The following HNF4G variants were observed in gnomAD, a reference collection of about 807,000 sequenced individuals.
HNF4G encodes the protein hepatocyte nuclear factor 4 gamma.
A neutral mutation model predicts 50.9 loss-of-function variants in HNF4G; 21 were observed. That is an observed-to-expected ratio of 0.41 (90% confidence interval 0.29 to 0.59). The LOEUF (loss-of-function observed/expected upper bound fraction) is 0.59, where lower values mean the gene tolerates loss of function less well. Among genes scored for constraint, HNF4G ranks in the 20% least tolerant of loss-of-function variants. HNF4G has a pLI of 0.26. For synonymous variants in HNF4G, 198 were observed against 185.6 expected (o/e 1.07, Z -0.54); for missense variants, 527 against 559.4 (o/e 0.94, Z 0.58).
At chr8:75,517,058 G>A (rs1805905908) in intron 2 of HNF4G, among the ~76,000 whole-genome samples, 1 of 152,230 alleles carries the variant, frequency 6.6e-6, no homozygotes, top group Admixed American at 6.5e-5. Context: ...GTGGTGTCAG[G>A]CAAGAGAGCA....
chr8:75,409,013 GTCC>G (rs1014933657), intron 1 of HNF4G, among the ~76,000 whole-genome samples: 6 of 152,048 alleles, frequency 3.9e-5, no homozygotes, highest in African/African-American at 1.2e-4. Context: ...TTCCTTAGGA[GTCC>G]TCCTGTCCCC....
At chr8:75,537,803 C>T (rs1223819469), upstream of HNF4G, among the ~76,000 whole-genome samples, 11 of 152,192 alleles carry the variant, frequency 7.2e-5, no homozygotes, top group Admixed American at 2.6e-4. Context: ...CATTCTTACT[C>T]AATGAAAAGG....
intron 1 of HNF4G, among the ~76,000 whole-genome samples, chr8:75,448,746 A>T (rs915545201): frequency 6.6e-6 from 1 of 152,026 alleles, no homozygotes; most frequent in African/African-American, 2.4e-5. Context: ...GGATAAGGAA[A>T]ATTTTCCAAA....
intron 1 of HNF4G, among the ~76,000 whole-genome samples, chr8:75,480,997 G>A (rs1812364279): frequency 6.6e-6 from 1 of 152,178 alleles, no homozygotes; most frequent in Admixed American, 6.5e-5. Flanking sequence ...GATTACAGGC[G>A]TGAGCCACTG....
intron 1 of HNF4G, among the ~76,000 whole-genome samples, chr8:75,411,940 T>G (rs1428920660): frequency 6.6e-6 from 1 of 152,204 alleles, no homozygotes; most frequent in African/African-American, 2.4e-5. Flanking sequence ...CCTGGCACAT[T>G]GAGTACCAGG....
chr8:75,514,048 C>T (rs775873474), intron 2 of HNF4G, among the ~76,000 whole-genome samples: 3 of 151,920 alleles, frequency 2.0e-5, no homozygotes, highest in South Asian at 2.1e-4. Flanking sequence ...AGATATGTAT[C>T]GAAGGTTTGA....
At chr8:75,429,500 A>G (rs555466963) in intron 1 of HNF4G, among the ~76,000 whole-genome samples, 26 of 152,102 alleles carry the variant, frequency 1.7e-4, no homozygotes, top group Admixed American at 3.3e-4. Flanking sequence ...ATTTCTTTCC[A>G]CCACAGGAAT....
In HNF4G at chr8:75,508,859, A is replaced by G. The variant is rs1466881699; in HGVS notation, c.-24+18651A>G. Among the ~76,000 whole-genome samples the G allele has an allele frequency of 3.3e-5, 5 of 152,326 alleles. No individual in the cohort carries two copies. In the East Asian group the frequency reaches 5.8e-4, roughly 18 times the overall value. Reference sequence around the variant, plus strand: ...TTGAAGTGTCTTGTAATCCATGTGGAGGAATTTATGCTCTATCCTAAGAGC... The same window carrying G: ...TTGAAGTGTCTTGTAATCCATGTGGGGGAATTTATGCTCTATCCTAAGAGC... On this transcript the variant is annotated intron_variant, in intron 2 of 10. Transcript: ENST00000354370.
intron 2 of HNF4G, among the ~76,000 whole-genome samples, chr8:75,497,309 G>A (rs559983156): frequency 6.6e-6 from 1 of 152,238 alleles, no homozygotes; most frequent in African/African-American, 2.4e-5. Context: ...ATAGAGACCA[G>A]GAGAGGGCTA....
upstream of HNF4G, among the ~76,000 whole-genome samples, chr8:75,537,511 G>T (rs1806498367): frequency 1.3e-5 from 2 of 152,050 alleles, no homozygotes; most frequent in Admixed American, 1.3e-4. Flanking sequence ...CTACCAAAGT[G>T]CTGGGATTAC....
In HNF4G at chr8:75,524,508, TG is replaced by T. The variant is rs1054257987; in HGVS notation, c.-23-19302del. On this transcript the variant is annotated intron_variant, in intron 2 of 10. Transcript: ENST00000354370. Reference sequence around the variant, plus strand: ...TTCGAAAACCTACTTTATGTATTTATGTCCATATGTTACATATTTTTATTAT... The same window carrying T: ...TTCGAAAACCTACTTTATGTATTTATTCCATATGTTACATATTTTTATTAT... Among the ~76,000 whole-genome samples the T allele has an allele frequency of 2.0e-5, 3 of 152,348 alleles. No homozygotes were observed. In the South Asian group the frequency reaches 6.2e-4, roughly 32 times the overall value.
intron 1 of HNF4G, among the ~76,000 whole-genome samples, chr8:75,542,160 C>G (rs888560391): frequency 2.6e-5 from 4 of 151,816 alleles, no homozygotes; most frequent in African/African-American, 9.7e-5. Flanking sequence ...TAAAAACTAG[C>G]TGGATGTGGT....
chr8:75,535,335 G>T (rs937874686), upstream of HNF4G, among the ~76,000 whole-genome samples: 8 of 140,176 alleles, frequency 5.7e-5, no homozygotes, highest in African/African-American at 1.7e-4. Context: ...TTAGGACAGT[G>T]GCAGCAAGGA....
At chr8:75,455,397 T>G (rs1355203107) in intron 1 of HNF4G, among the ~76,000 whole-genome samples, 1 of 152,186 alleles carries the variant, frequency 6.6e-6, no homozygotes, top group Non-Finnish European at 1.5e-5. Flanking sequence ...AATTAAAAAT[T>G]AATTTCCATA....
intron 2 of HNF4G, among the ~76,000 whole-genome samples, chr8:75,490,619 C>T (rs545866100): frequency 2.0e-5 from 3 of 152,190 alleles, no homozygotes; most frequent in South Asian, 4.1e-4. Context: ...AGCAAATGCA[C>T]ATCTTTATTT....
At chr8:75,475,512 G>A (rs1812221814) in intron 1 of HNF4G, among the ~76,000 whole-genome samples, 1 of 152,280 alleles carries the variant, frequency 6.6e-6, no homozygotes, top group Non-Finnish European at 1.5e-5. Flanking sequence ...TTATATTTAT[G>A]TATGTGTGTG....
chr8:75,507,991 A>G (rs911247229), intron 2 of HNF4G, among the ~76,000 whole-genome samples: 1 of 152,124 alleles, frequency 6.6e-6, no homozygotes, highest in African/African-American at 2.4e-5. Context: ...TAATTTTCAT[A>G]TAATGAACAG....
At chr8:75,487,001 G>C (rs1483871827) in intron 1 of HNF4G, among the ~76,000 whole-genome samples, 1 of 151,444 alleles carries the variant, frequency 6.6e-6, no homozygotes, top group African/African-American at 2.4e-5. Flanking sequence ...GCGAGACCCT[G>C]TCTAAAAAAA....
At chr8:75,442,688 T>G (rs548015160) in intron 1 of HNF4G, among the ~76,000 whole-genome samples, 1 of 152,246 alleles carries the variant, frequency 6.6e-6, no homozygotes, top group African/African-American at 2.4e-5. Flanking sequence ...GAAAAATAAT[T>G]AAAAATTAAT....
Sources: gnomAD v4.1 joint callset for allele counts (sites outside exome capture counted in the v4.1 genomes callset) on GRCh38, gnomAD v4.1.1 for gene constraint, MANE v1.5 for transcripts, NCBI Gene and HGNC (gene_info 2026-07-23, HGNC 2026-07-21) for gene names.